PPP2R2B: variants seen among roughly 807,000 people sequenced by gnomAD.
The protein encoded by PPP2R2B is serine/threonine-protein phosphatase 2A 55 kDa regulatory subunit B beta isoform.
In PPP2R2B, 5 loss-of-function variants were observed where a neutral mutation model predicts 46.0. The ratio of observed to expected loss-of-function variants is 0.11; its 90% CI spans 0.06 to 0.23. The LOEUF is 0.23. Among genes scored for constraint, PPP2R2B ranks in the 10% least tolerant of loss-of-function variants. PPP2R2B has a pLI of 1.00. For missense variants in PPP2R2B, 367 were observed against 575.0 expected (o/e 0.64, Z 3.70); for synonymous variants, 215 against 206.7 (o/e 1.04, Z -0.34).
At chr5:146,683,761 C>T (rs1044022227) in intron 5 of PPP2R2B, among the ~76,000 whole-genome samples, 2 of 152,128 alleles carry the variant, frequency 1.3e-5, no homozygotes, top group South Asian at 2.1e-4. Context: ...GTTAAATTCT[C>T]GTGGAGGGCT....
chr5:146,675,362 C>T (rs1331958385), intron 5 of PPP2R2B, among the ~76,000 whole-genome samples: 1 of 152,164 alleles, frequency 6.6e-6, no homozygotes, highest in African/African-American at 2.4e-5. Flanking sequence ...GACTTGCTAT[C>T]TTTCATTCAA....
At chr5:146,725,885 G>T (rs1323042355) in intron 2 of PPP2R2B, among the ~76,000 whole-genome samples, 2 of 152,154 alleles carry the variant, frequency 1.3e-5, no homozygotes, top group African/African-American at 4.8e-5. Flanking sequence ...GTTGTACCTT[G>T]TGCCTAGCAT....
At chr5:146,593,191 G>A (rs1770831357) in intron 8 of PPP2R2B, 129 bp from the exon 9 acceptor site, 1 of 818,350 alleles carries the variant, frequency 1.2e-6, no homozygotes, top group South Asian at 1.5e-5. Context: ...GATGGCCTTG[G>A]ATCTGAACCT....
rs145680065 is a variant in PPP2R2B at position 147,072,677 on chromosome 5, G to A, written c.50+8382C>T. Among the ~76,000 whole-genome samples, 310 of 152,256 alleles carry A rather than the reference G, an allele frequency of 2.0e-3. 1 individual carries two copies. Among genetic ancestry groups the A allele is most frequent in the Non-Finnish European group, 2.4e-3 (165 of 68,024 alleles). On this transcript the variant is annotated intron_variant, in intron 2 of 10. Coordinates refer to the PPP2R2B transcript ENST00000394413. ...AGCAGTTATTAAGGAGTCTGATCTC[G>A]TAAAACCTGATTAAATGGAATTATC... is the stretch of plus-strand genomic sequence containing the variant.
At chr5:146,979,558 A>AACACACACACAC (rs34864782) in intron 1 of PPP2R2B, among the ~76,000 whole-genome samples, 62 of 137,352 alleles carry the variant, frequency 4.5e-4, no homozygotes, top group African/African-American at 1.6e-3. Context: ...CCCACCTTGA[A>AACACACACACAC]ACACACACAC....
At position 146,750,969 on chromosome 5, in the gene PPP2R2B, G is replaced by A. The variant is rs142402696; in HGVS notation, c.71-49827C>T. On this transcript the variant is annotated intron_variant, in intron 2 of 9. Transcript: ENST00000394411. ...CAGAGAGACACCACAAAGCAGCACTGTTCTGCTCTCAACAGTAGGAGCTGA... is the reference window on the plus strand; with the variant it reads ...CAGAGAGACACCACAAAGCAGCACTATTCTGCTCTCAACAGTAGGAGCTGA... Among the ~76,000 whole-genome samples, 7 of 152,254 alleles carry A rather than the reference G, an allele frequency of 4.6e-5. No homozygotes were observed. The East Asian group carries it at 1.4e-3, about 29-fold the overall frequency.
chr5:146,680,746 A>G (rs1458918793), intron 5 of PPP2R2B, among the ~76,000 whole-genome samples: 1 of 152,174 alleles, frequency 6.6e-6, no homozygotes, highest in African/African-American at 2.4e-5. Context: ...AAGAAAATAA[A>G]CTCATCTGAT....
chr5:146,628,190 C>T (rs1220087691), intron 7 of PPP2R2B, among the ~76,000 whole-genome samples: 1 of 152,140 alleles, frequency 6.6e-6, no homozygotes, highest in Non-Finnish European at 1.5e-5. Context: ...AGTGATCTGC[C>T]CGCCTCAGCC....
At chr5:146,862,680 G>A (rs901202754) in intron 2 of PPP2R2B, among the ~76,000 whole-genome samples, 6 of 152,152 alleles carry the variant, frequency 3.9e-5, no homozygotes, top group African/African-American at 1.4e-4. Flanking sequence ...AAGATGAGAG[G>A]ACAGGCAGGA....
At chr5:147,075,188 T>C (rs558396805) in intron 2 of PPP2R2B, among the ~76,000 whole-genome samples, 38 of 152,302 alleles carry the variant, frequency 2.5e-4, no homozygotes, top group African/African-American at 8.4e-4. Flanking sequence ...GGAAATAATG[T>C]AAAATTTCAT....
At chr5:147,006,207 G>A (rs1229909513) in intron 1 of PPP2R2B, among the ~76,000 whole-genome samples, 1 of 152,220 alleles carries the variant, frequency 6.6e-6, no homozygotes, top group Non-Finnish European at 1.5e-5. Flanking sequence ...TCTTGTAGAA[G>A]CAGAGTTAGG....
chr5:146,884,368 C>T (rs1231014939), intron 1 of PPP2R2B, among the ~76,000 whole-genome samples: 1 of 152,040 alleles, frequency 6.6e-6, no homozygotes, highest in Admixed American at 6.5e-5. Context: ...GTTGTCTGAT[C>T]CTTTCCAGGT....
chr5:147,073,464 G>A (rs2151911881), intron 2 of PPP2R2B, among the ~76,000 whole-genome samples: 1 of 152,270 alleles, frequency 6.6e-6, no homozygotes, highest in Non-Finnish European at 1.5e-5. Flanking sequence ...GGAGCGCCAT[G>A]CAAAGTGAAG....
chr5:146,773,639 C>T (rs1201806876), intron 2 of PPP2R2B, among the ~76,000 whole-genome samples: 2 of 152,166 alleles, frequency 1.3e-5, no homozygotes, highest in Non-Finnish European at 2.9e-5. Context: ...AAAGTTCATT[C>T]CTTCTTTTGC....
At chr5:147,067,706 T>A (rs1757455810) in intron 2 of PPP2R2B, among the ~76,000 whole-genome samples, 1 of 152,174 alleles carries the variant, frequency 6.6e-6, no homozygotes, top group Non-Finnish European at 1.5e-5. Flanking sequence ...CTAAAAAAGA[T>A]CTCCCAGTTT....
At chr5:146,743,326 T>C (rs1375193124) in intron 2 of PPP2R2B, among the ~76,000 whole-genome samples, 1 of 152,224 alleles carries the variant, frequency 6.6e-6, no homozygotes, top group Non-Finnish European at 1.5e-5. Context: ...GCAGTGATGC[T>C]GGATTTATAT....
chr5:146,961,426 A>T (rs1178981288), intron 1 of PPP2R2B, among the ~76,000 whole-genome samples: 2 of 152,188 alleles, frequency 1.3e-5, no homozygotes, highest in African/African-American at 4.8e-5. Context: ...TCACCAAAAA[A>T]GTGTCTATTT....
chr5:146,855,599 C>T (rs1760611122), intron 2 of PPP2R2B, among the ~76,000 whole-genome samples: 1 of 152,046 alleles, frequency 6.6e-6, no homozygotes. Flanking sequence ...GCCTTTTTCC[C>T]TCTTCGTTCC....
chr5:146,783,015 A>C (rs1755629237), intron 2 of PPP2R2B, among the ~76,000 whole-genome samples: 1 of 152,174 alleles, frequency 6.6e-6, no homozygotes, highest in Non-Finnish European at 1.5e-5. Context: ...GCTTTTAGTG[A>C]ATTTCCCCCA....
Sources: allele counts gnomAD v4.1 joint callset (sites outside exome capture counted in the v4.1 genomes callset), GRCh38; gene constraint gnomAD v4.1.1; transcripts MANE v1.5; gene names NCBI Gene and HGNC (gene_info 2026-07-23, HGNC 2026-07-21).